GRM7: variants seen among roughly 807,000 people sequenced by gnomAD.
GRM7 encodes the protein metabotropic glutamate receptor 7.
A neutral mutation model predicts 84.5 loss-of-function variants in GRM7; 35 were observed. The ratio of observed to expected loss-of-function variants is 0.41; its 90% CI spans 0.32 to 0.55. GRM7 has a LOEUF of 0.55. GRM7 is among the 20% of genes least tolerant of loss of function. The pLI, the probability that GRM7 is intolerant of heterozygous loss-of-function variation, is 0.19. For missense variants in GRM7, 1,003 were observed against 1,194.6 expected (o/e 0.84, Z 2.36); for synonymous variants, 487 against 455.1 (o/e 1.07, Z -0.89).
intron 3 of GRM7, among the ~76,000 whole-genome samples, chr3:7,304,464 G>A (rs530096672): frequency 1.2e-4 from 18 of 150,574 alleles, no homozygotes; most frequent in African/African-American, 9.8e-5. Context: ...CCCATTATGC[G>A]GCTAAGTTTT....
rs5846517 is a variant in GRM7 at position 7,496,996 on chromosome 3, T to TA, written c.1515+35275dup. On this transcript the variant is annotated intron_variant, in intron 7 of 9. Transcript: ENST00000357716. ...AAAATAGGGTTAATACTAATACATC[T>TA]ATTCTCATAGATACTATAGAAAAAT... Among the ~76,000 whole-genome samples the TA allele has an allele frequency of 5.1e-3, 772 of 151,954 alleles. 7 individuals carry two copies. The highest frequency in any genetic ancestry group is 0.017 in the African/African-American group (726 of 41,512).
chr3:7,407,638 G>A (rs369838140), intron 4 of GRM7, among the ~76,000 whole-genome samples: 2 of 152,132 alleles, frequency 1.3e-5, no homozygotes, highest in South Asian at 2.1e-4. Context: ...GCTTTAAGTC[G>A]CATTTGGAAT....
chr3:7,358,091 A>T (rs1693489750), intron 4 of GRM7, among the ~76,000 whole-genome samples: 1 of 152,128 alleles, frequency 6.6e-6, no homozygotes, highest in African/African-American at 2.4e-5. Context: ...TTCTAAGAAT[A>T]CACATGACAA....
At chr3:7,459,940 A>C (rs1182001479) in intron 6 of GRM7, among the ~76,000 whole-genome samples, 1 of 151,938 alleles carries the variant, frequency 6.6e-6, no homozygotes, top group African/African-American at 2.4e-5. Context: ...TCTAGAACCC[A>C]AAAACAGGAA....
At chr3:7,536,954 T>C (rs926750090) in intron 7 of GRM7, among the ~76,000 whole-genome samples, 5 of 152,238 alleles carry the variant, frequency 3.3e-5, no homozygotes, top group African/African-American at 1.2e-4. Context: ...AGATAACTCA[T>C]ACATGGTGTT....
chr3:7,085,090 T>C (rs1391195743), intron 1 of GRM7, among the ~76,000 whole-genome samples: 3 of 152,276 alleles, frequency 2.0e-5, no homozygotes, highest in Non-Finnish European at 2.9e-5. Context: ...GCTTTAGAAG[T>C]CCATTGAGTG....
At chr3:7,673,429 G>A (rs544158229) in intron 8 of GRM7, among the ~76,000 whole-genome samples, 1 of 151,322 alleles carries the variant, frequency 6.6e-6, no homozygotes, top group East Asian at 2.0e-4. Flanking sequence ...AGGTCACCTT[G>A]CCATTCAAAA....
At chr3:7,372,586 G>T (rs1283626131) in intron 4 of GRM7, among the ~76,000 whole-genome samples, 2 of 152,070 alleles carry the variant, frequency 1.3e-5, no homozygotes, top group Non-Finnish European at 2.9e-5. Context: ...TTCAACCTCT[G>T]ATCTTATTTA....
chr3:7,466,525 G>A (rs192317067), intron 7 of GRM7, among the ~76,000 whole-genome samples: 21 of 152,202 alleles, frequency 1.4e-4, no homozygotes, highest in African/African-American at 5.1e-4. Context: ...AATATATTAT[G>A]TGTGATAGAA....
intron 7 of GRM7, among the ~76,000 whole-genome samples, chr3:7,550,685 C>T (rs1351834696): frequency 1.3e-5 from 2 of 150,586 alleles, no homozygotes; most frequent in Non-Finnish European, 3.0e-5. Context: ...CCTGCTTTCT[C>T]CAGACCTTTC....
At chr3:7,597,527 G>T (rs1213029006) in intron 8 of GRM7, among the ~76,000 whole-genome samples, 1 of 152,176 alleles carries the variant, frequency 6.6e-6, no homozygotes, top group Non-Finnish European at 1.5e-5. Context: ...CCAGCAGACT[G>T]TTCCATGATC....
At chr3:7,551,123 C>G (rs1361081128) in intron 7 of GRM7, among the ~76,000 whole-genome samples, 1 of 152,038 alleles carries the variant, frequency 6.6e-6, no homozygotes, top group Non-Finnish European at 1.5e-5. Context: ...GCTTTTGTTT[C>G]AAAACTCCAT....
chr3:7,245,038 A>G lies in GRM7; in HGVS notation c.737-53646A>G, dbSNP rs536120809. Among the ~76,000 whole-genome samples the G allele has an allele frequency of 2.4e-4, 37 of 152,172 alleles. No homozygotes were observed. In the East Asian group the frequency reaches 5.6e-3, roughly 23 times the overall value. ...AAAAAATGTAATATTTAATGTCATA[A>G]ATTTATTAGATGGGATTAATGGCGT... On this transcript the variant is annotated intron_variant, in intron 2 of 9. Transcript: ENST00000357716.
chr3:7,219,612 T>C (rs1345717756), intron 2 of GRM7, among the ~76,000 whole-genome samples: 1 of 152,222 alleles, frequency 6.6e-6, no homozygotes, highest in Non-Finnish European at 1.5e-5. Flanking sequence ...AAGTTCAGTT[T>C]AATATATATG....
At chr3:7,679,418 T>C (rs530720000) in intron 8 of GRM7, among the ~76,000 whole-genome samples, 2 of 152,228 alleles carry the variant, frequency 1.3e-5, no homozygotes, top group South Asian at 4.2e-4. Context: ...TTGCATCTCA[T>C]TAGTAATTTG....
chr3:7,622,232 C>T (rs1426761171), intron 8 of GRM7, among the ~76,000 whole-genome samples: 2 of 152,092 alleles, frequency 1.3e-5, no homozygotes, highest in African/African-American at 4.8e-5. Context: ...TTGCATTAAG[C>T]ACCCACTCTT....
intron 5 of GRM7, among the ~76,000 whole-genome samples, chr3:7,432,090 G>A (rs1009152997): frequency 6.6e-6 from 1 of 152,148 alleles, no homozygotes; most frequent in Non-Finnish European, 1.5e-5. Flanking sequence ...AGCTGGAACT[G>A]CTTTGGGAGA....
At chr3:7,618,944 C>T (rs1163365137) in intron 8 of GRM7, among the ~76,000 whole-genome samples, 7 of 152,070 alleles carry the variant, frequency 4.6e-5, no homozygotes. Flanking sequence ...GTGCCTATCA[C>T]CAGAGGTTCG....
intron 4 of GRM7, among the ~76,000 whole-genome samples, chr3:7,330,408 C>T (rs968535146): frequency 6.6e-6 from 1 of 152,126 alleles, no homozygotes; most frequent in African/African-American, 2.4e-5. Context: ...CTCTCTGTCC[C>T]CCTTGTAACA....
Sources: gnomAD v4.1 joint callset for allele counts (sites outside exome capture counted in the v4.1 genomes callset) on GRCh38, gnomAD v4.1.1 for gene constraint, MANE v1.5 for transcripts, NCBI Gene and HGNC (gene_info 2026-07-23, HGNC 2026-07-21) for gene names.